RAP1GAP2: variants seen among roughly 807,000 people sequenced by gnomAD.
RAP1GAP2 encodes RAP1 GTPase activating protein 2, also known as rap1 GTPase-activating protein 2.
In RAP1GAP2, 27 loss-of-function variants were observed where a neutral mutation model predicts 95.0. That is an observed-to-expected ratio of 0.28 (90% CI 0.21 to 0.39). The LOEUF (loss-of-function observed/expected upper bound fraction) is 0.39, where lower values mean the gene tolerates loss of function less well. Ranked by LOEUF, RAP1GAP2 falls within the 10% of genes least tolerant of loss-of-function variation. RAP1GAP2 has a pLI of 1.00. For missense variants in RAP1GAP2, 771 were observed against 970.0 expected (o/e 0.79, Z 2.72); for synonymous variants, 373 against 380.9 (o/e 0.98, Z 0.24).
At chr17:2,928,456 G>T (rs958799256) in intron 3 of RAP1GAP2, among the ~76,000 whole-genome samples, 3 of 152,088 alleles carry the variant, frequency 2.0e-5, no homozygotes, top group African/African-American at 7.2e-5. Context: ...CGTGTCCGGG[G>T]TCGCCTGGGG....
At chr17:2,845,135 C>CT (rs1445114380) in intron 2 of RAP1GAP2, among the ~76,000 whole-genome samples, 1 of 152,100 alleles carries the variant, frequency 6.6e-6, no homozygotes, top group African/African-American at 2.4e-5. Flanking sequence ...GTGCCTCAGT[C>CT]TTTTTTTGTT....
At chr17:2,798,346 G>A (rs2069152569) in intron 1 of RAP1GAP2, among the ~76,000 whole-genome samples, 1 of 152,200 alleles carries the variant, frequency 6.6e-6, no homozygotes, top group South Asian at 2.1e-4. Context: ...CACAGGCTCA[G>A]TCGATGCTTG....
intron 1 of RAP1GAP2, among the ~76,000 whole-genome samples, chr17:2,784,369 C>G (rs1029517794): frequency 6.6e-6 from 1 of 151,954 alleles, no homozygotes; most frequent in East Asian, 1.9e-4. Context: ...CTCCCGGACT[C>G]AAGCGATTCT....
At chr17:2,808,574 T>TGGCCC (rs1374836671) in intron 2 of RAP1GAP2, among the ~76,000 whole-genome samples, 2 of 152,172 alleles carry the variant, frequency 1.3e-5, no homozygotes, top group Non-Finnish European at 2.9e-5. Flanking sequence ...GTCCCCTCGC[T>TGGCCC]GGCCCGGCTC....
chr17:2,957,920 G>A, intron 4 of RAP1GAP2, 126 bp downstream of exon 4: 1 of 1,040,848 alleles, frequency 9.6e-7, no homozygotes, highest in Non-Finnish European at 1.3e-6. Context: ...AGAGACAATT[G>A]CATCCCCTTG....
intron 1 of RAP1GAP2, chr17:2,755,892 G>A: frequency 3.5e-6 from 1 of 287,742 alleles, no homozygotes; most frequent in Non-Finnish European, 6.5e-6. Context: ...GGCCCGGGTG[G>A]GCGGAGGGGC....
intron 3 of RAP1GAP2, among the ~76,000 whole-genome samples, chr17:2,921,877 C>G (rs2042794051): frequency 6.6e-6 from 1 of 152,206 alleles, no homozygotes; most frequent in African/African-American, 2.4e-5. Flanking sequence ...CCTCCGTCTT[C>G]TTCACATGTC....
upstream of RAP1GAP2, among the ~76,000 whole-genome samples, chr17:2,794,332 G>A (rs2069010067): frequency 6.6e-6 from 1 of 152,110 alleles, no homozygotes; most frequent in East Asian, 1.9e-4. Context: ...CCCTGGAGGT[G>A]GATTGAGTGC....
intron 3 of RAP1GAP2, among the ~76,000 whole-genome samples, chr17:2,936,439 C>T (rs951666822): frequency 2.0e-5 from 3 of 151,804 alleles, no homozygotes; most frequent in Admixed American, 6.6e-5. Context: ...CCTTTGTGCC[C>T]TCTGAGGTTA....
chr17:2,961,166 G>A (rs1025530708), intron 4 of RAP1GAP2, among the ~76,000 whole-genome samples: 3 of 151,136 alleles, frequency 2.0e-5, no homozygotes, highest in African/African-American at 7.3e-5. Flanking sequence ...GCAGTGAACC[G>A]AGATCCCACC....
chr17:2,852,614 C>G (rs2071908460), intron 2 of RAP1GAP2, among the ~76,000 whole-genome samples: 1 of 152,022 alleles, frequency 6.6e-6, no homozygotes, highest in South Asian at 2.1e-4. Flanking sequence ...AACAAAACAA[C>G]AACAAAAAAC....
chr17:2,828,162 G>A (rs1030479458), intron 2 of RAP1GAP2, among the ~76,000 whole-genome samples: 13 of 152,182 alleles, frequency 8.5e-5, no homozygotes, highest in African/African-American at 2.9e-4. Context: ...CTAACATGGG[G>A]AAACCCTATC....
At chr17:2,935,117 C>T (rs552489336) in intron 3 of RAP1GAP2, among the ~76,000 whole-genome samples, 11 of 152,254 alleles carry the variant, frequency 7.2e-5, no homozygotes, top group Non-Finnish European at 1.5e-4. Flanking sequence ...CATTGCCTGT[C>T]GTTCTAGATG....
intron 8 of RAP1GAP2, among the ~76,000 whole-genome samples, chr17:2,967,212 C>T (rs1016720161): frequency 1.3e-5 from 2 of 151,048 alleles, no homozygotes; most frequent in African/African-American, 2.4e-5. Flanking sequence ...ACTAAAAATA[C>T]AAAAAAAAAT....
rs536045068 is a variant in RAP1GAP2, at chr17:3,035,723, A to C, written c.*2362A>C. 2.6e-5 allele frequency: 4 copies of C among 152,378 alleles called. No homozygotes were observed. The highest frequency in any genetic ancestry group is 9.6e-5 in the African/African-American group (4 of 41,566). The allele number at this position is 152,378 out of a possible 1,614,324, so 9.4% of individuals were successfully genotyped here. ...GCCCACCCGGGCAGTGCTGAGAGGGAGGAGGAGAACAAGGATGGCCCAGCC... is the reference window on the plus strand; with the variant it reads ...GCCCACCCGGGCAGTGCTGAGAGGGCGGAGGAGAACAAGGATGGCCCAGCC... On this transcript the variant is annotated 3_prime_UTR_variant, in exon 25 of 25. Transcript: ENST00000254695. The surrounding 1 kb of genome is among the most constrained non-coding windows in gnomAD (Gnocchi z 4.3).
rs937850014 is a variant in RAP1GAP2 at position 3,029,314 on chromosome 17, G to A, written c.2108-1608G>A. Reference sequence around the variant, plus strand: ...GAGCGGGTCTGGTGACTTATGGCCGGTGCTTCCCACACCACACGGTGAGGC... The same window carrying A: ...GAGCGGGTCTGGTGACTTATGGCCGATGCTTCCCACACCACACGGTGAGGC... On this transcript the variant is annotated intron_variant, in intron 22 of 24. Transcript: ENST00000254695. The surrounding 1 kb of genome is among the most constrained non-coding windows in gnomAD (Gnocchi z 4.4). 2.0e-5 allele frequency among the ~76,000 whole-genome samples: 3 copies of A among 152,152 alleles called. No individual in the cohort carries two copies. The highest frequency in any genetic ancestry group is 1.3e-4 in the Admixed American group (2 of 15,272).
intron 1 of RAP1GAP2, among the ~76,000 whole-genome samples, chr17:2,769,899 C>A (rs973862168): frequency 6.6e-6 from 1 of 151,880 alleles, no homozygotes; most frequent in African/African-American, 2.4e-5. Context: ...ATGGTAAAAC[C>A]CCGTCTCAAC....
intron 1 of RAP1GAP2, among the ~76,000 whole-genome samples, chr17:2,799,827 G>GA (rs1207332312): frequency 6.6e-6 from 1 of 152,182 alleles, no homozygotes; most frequent in Non-Finnish European, 1.5e-5. Context: ...ATATGCAGGG[G>GA]GGTAAAAATA....
chr17:2,964,435 C>T (rs1018718787), intron 7 of RAP1GAP2: 5 of 245,090 alleles, frequency 2.0e-5, no homozygotes, highest in African/African-American at 9.3e-5. Context: ...CTCTTACCTC[C>T]TTCCTAGTCT....
Sources: allele counts gnomAD v4.1 joint callset (sites outside exome capture counted in the v4.1 genomes callset), GRCh38; gene constraint gnomAD v4.1.1; non-coding constraint Gnocchi (gnomAD v3.1); transcripts MANE v1.5; gene names NCBI Gene and HGNC (gene_info 2026-07-23, HGNC 2026-07-21).